The following CPA3 variants were observed in gnomAD, a reference collection of about 807,000 sequenced individuals.
CPA3 encodes the protein carboxypeptidase A3, also known as mast cell carboxypeptidase A.
In CPA3, 52 loss-of-function variants were observed where a neutral mutation model predicts 55.8. The observed-to-expected ratio is 0.93, with a 90% CI of 0.75 to 1.17. The LOEUF (loss-of-function observed/expected upper bound fraction) is 1.17, where lower values mean the gene tolerates loss of function less well. CPA3 is among the 50% of genes most tolerant of loss of function. The probability of loss-of-function intolerance (pLI) is 0.00; values close to 1 mark genes in which losing one functional copy is unlikely to be tolerated. For missense variants in CPA3, 547 were observed against 509.1 expected (o/e 1.07, Z -0.72); for synonymous variants, 179 against 171.2 (o/e 1.05, Z -0.36).
intron 2 of CPA3, among the ~76,000 whole-genome samples, chr3:148,867,895 G>GT (rs1022922725): frequency 2.6e-5 from 4 of 152,058 alleles, no homozygotes; most frequent in African/African-American, 4.8e-5. Flanking sequence ...TTTTGTTTTT[G>GT]TTTTTTGTGT....
At chr3:148,891,839 A>G (rs1206996203) in intron 10 of CPA3, among the ~76,000 whole-genome samples, 1 of 152,200 alleles carries the variant, frequency 6.6e-6, no homozygotes, top group Non-Finnish European at 1.5e-5. Context: ...AAGTTTATTA[A>G]AATGTCTAAC....
intron 10 of CPA3, among the ~76,000 whole-genome samples, chr3:148,892,063 T>C (rs990152195): frequency 6.6e-6 from 1 of 152,166 alleles, no homozygotes. Flanking sequence ...GCCATTCCTT[T>C]GGCTTCCTTG....
At chr3:148,878,118 A>G (rs1342604362) in intron 3 of CPA3, among the ~76,000 whole-genome samples, 1 of 152,226 alleles carries the variant, frequency 6.6e-6, no homozygotes, top group African/African-American at 2.4e-5. Context: ...GATAGTTTAT[A>G]TCATTTTTAT....
At chr3:148,895,146 A>G (rs1011717605) in intron 10 of CPA3, among the ~76,000 whole-genome samples, 1 of 152,192 alleles carries the variant, frequency 6.6e-6, no homozygotes, top group Non-Finnish European at 1.5e-5. Context: ...CCAAAAGAAA[A>G]TCTAAACACC....
At chr3:148,892,459 C>G (rs1015605393) in intron 10 of CPA3, among the ~76,000 whole-genome samples, 1 of 151,998 alleles carries the variant, frequency 6.6e-6, no homozygotes, top group South Asian at 2.1e-4. Context: ...CCGAGACCAG[C>G]CTGGCCAACA....
intron 10 of CPA3, among the ~76,000 whole-genome samples, chr3:148,894,593 A>C (rs574045419): frequency 6.6e-6 from 1 of 152,290 alleles, no homozygotes; most frequent in Admixed American, 6.5e-5. Context: ...TGTTTATAAG[A>C]AACTCATTTC....
At chr3:148,880,783 G>T (rs1226786663) in intron 6 of CPA3, among the ~76,000 whole-genome samples, 1 of 152,106 alleles carries the variant, frequency 6.6e-6, no homozygotes, top group African/African-American at 2.4e-5. Context: ...TGTAACAATG[G>T]TTTTCTGGGC....
intron 3 of CPA3, among the ~76,000 whole-genome samples, chr3:148,873,036 ACACACAC>A (rs371225485): frequency 0.43 from 65,607 of 150,870 alleles, 16,401 homozygotes; most frequent in Non-Finnish European, 0.56. Flanking sequence ...ACACACACAC[ACACACAC>A]ACACACACAC....
At position 148,882,507 on chromosome 3, in the gene CPA3, C is replaced by T. The variant is rs1247933098; in HGVS notation, c.690C>T (p.Asn230=). 6.2e-7 allele frequency: 1 copy of T among 1,613,162 alleles called. No individual in the cohort carries two copies. The highest frequency in any genetic ancestry group is 1.7e-5 in the Admixed American group (1 of 59,974). Residue 230 remains asparagine, a splice_region_variant and synonymous_variant, in exon 8 of 11, where the codon AAC becomes AAT. Transcript: ENST00000296046. The part of the protein sequence containing the change: ...VDGYIWSWTK[N]RMWRKNRSKN... The stretch of plus-strand genomic sequence containing the variant: ...ACTTACGTCATTCAATCTGGCAGAA[C>T]CGCATGTGGAGAAAAAATCGTTCCA...
chr3:148,875,488 T>C (rs1714178911), intron 3 of CPA3, among the ~76,000 whole-genome samples: 1 of 152,200 alleles, frequency 6.6e-6, no homozygotes, highest in Non-Finnish European at 1.5e-5. Context: ...ATATGAATTT[T>C]CATACTGTGC....
At chr3:148,893,967 A>G (rs1249129110) in intron 10 of CPA3, among the ~76,000 whole-genome samples, 6 of 152,234 alleles carry the variant, frequency 3.9e-5, no homozygotes, top group Non-Finnish European at 2.9e-5. Context: ...ACATTCTCAT[A>G]CAAAGGGAAA....
chr3:148,881,688 A>T (rs559378322), intron 7 of CPA3, 56 bp downstream of exon 7: 16 of 1,099,062 alleles, frequency 1.5e-5, no homozygotes, highest in Non-Finnish European at 2.2e-5. Flanking sequence ...GCTTTAATAC[A>T]CAATGTTATG....
chr3:148,876,765 T>A (rs529072776), intron 3 of CPA3, among the ~76,000 whole-genome samples: 2 of 152,332 alleles, frequency 1.3e-5, no homozygotes, highest in African/African-American at 4.8e-5. Context: ...TTTACTGTAA[T>A]TAAATATGAT....
At position 148,883,597 on chromosome 3, in the gene CPA3, C is replaced by T. The variant is rs768216455; in HGVS notation, c.779-16C>T. 3 of 1,609,896 alleles carry T rather than the reference C, an allele frequency of 1.9e-6. No homozygotes were observed. The highest frequency in any genetic ancestry group is 8.5e-7 in the Non-Finnish European group (1 of 1,177,154). ...GGGGAGCAGACTGTGGTCTCATCCA[C>T]CTATGTCTTCTGCAGCCATTCCTAA... On this transcript the variant is annotated splice_polypyrimidine_tract_variant and intron_variant, in intron 8 of 10. Transcript: ENST00000296046.
intron 10 of CPA3, among the ~76,000 whole-genome samples, chr3:148,891,314 G>A (rs1188786271): frequency 6.6e-6 from 1 of 152,076 alleles, no homozygotes; most frequent in Non-Finnish European, 1.5e-5. Context: ...TAAGTATCAT[G>A]TTAAACAAAT....
In CPA3 at chr3:148,878,697, T is replaced by G; in HGVS notation, c.423T>G (p.Ser141=). Residue 141 remains serine (S), a synonymous_variant, in exon 5 of 11, where the codon TCT becomes TCG. Coordinates refer to ENST00000296046, the MANE Select transcript of CPA3 (RefSeq NM_001870.4). ...KMMDKYPEMV[S]RIKIGSTVED... ...TGGATAAGTATCCTGAAATGGTCTC[T>G]CGTATTAAAATTGGATCTACTGTTG... is the stretch of plus-strand genomic sequence containing the variant. The G allele has an allele frequency of 1.9e-6, 3 of 1,612,526 alleles. No homozygotes were observed. Among genetic ancestry groups the G allele is most frequent in the Non-Finnish European group, 2.5e-6 (3 of 1,179,012 alleles).
chr3:148,878,636 T>C lies in CPA3; in HGVS notation c.373-11T>C. The C allele has an allele frequency of 6.3e-7, 1 of 1,593,318 alleles. No individual in the cohort carries two copies. The highest frequency in any genetic ancestry group is 1.1e-5 in the South Asian group (1 of 88,078). ...TTATTCTAATTTCTCAAAATTGATT[T>C]TGCTCTTAAGATTGTGGCTTGGACT... On this transcript the variant is annotated splice_polypyrimidine_tract_variant and intron_variant, in intron 4 of 10. Transcript: ENST00000296046.
chr3:148,875,944 A>G (rs963728092), intron 3 of CPA3, among the ~76,000 whole-genome samples: 7 of 152,168 alleles, frequency 4.6e-5, no homozygotes, highest in Non-Finnish European at 8.8e-5. Flanking sequence ...ACTATTATTT[A>G]TCATAGTTCA....
intron 6 of CPA3, among the ~76,000 whole-genome samples, chr3:148,881,165 T>G (rs1479807340): frequency 6.6e-6 from 1 of 152,218 alleles, no homozygotes; most frequent in Non-Finnish European, 1.5e-5. Context: ...CTATCTATAT[T>G]TATGTAAAAG....
Sources: gnomAD v4.1 joint callset for allele counts (sites outside exome capture counted in the v4.1 genomes callset) on GRCh38, gnomAD v4.1.1 for gene constraint, MANE v1.5 for transcripts, NCBI Gene and HGNC (gene_info 2026-07-23, HGNC 2026-07-21) for gene names.